The following SNX29 variants were observed in gnomAD, a reference collection of about 807,000 sequenced individuals.
SNX29 encodes sorting nexin-29.
In SNX29, 78 loss-of-function variants were observed where a neutral mutation model predicts 102.1. The observed-to-expected ratio is 0.76, with a 90% confidence interval of 0.64 to 0.92. The LOEUF (loss-of-function observed/expected upper bound fraction) is 0.92, where lower values mean the gene tolerates loss of function less well. Among genes scored for constraint, SNX29 ranks in the 40% least tolerant of loss-of-function variants. The pLI, the probability that SNX29 is intolerant of heterozygous loss-of-function variation, is 0.00. For missense variants in SNX29, 1,280 were observed against 1,061.7 expected, an observed-to-expected ratio of 1.21 and a Z score of -2.86; for synonymous variants, 580 against 414.5, an observed-to-expected ratio of 1.40 and a Z score of -4.85.
chr16:12,425,085 A>G (rs1173969103), intron 18 of SNX29, among the ~76,000 whole-genome samples: 1 of 152,264 alleles, frequency 6.6e-6, no homozygotes, highest in Non-Finnish European at 1.5e-5. Flanking sequence ...GTACAAAAAG[A>G]TACAAACAAA....
chr16:12,256,194 T>G (rs930016421), intron 14 of SNX29, among the ~76,000 whole-genome samples: 10 of 152,250 alleles, frequency 6.6e-5, no homozygotes, highest in African/African-American at 2.4e-4. Context: ...TCTATTTGCA[T>G]CCTGTGTCCA....
chr16:12,539,764 T>G (rs1188519616), intron 20 of SNX29, among the ~76,000 whole-genome samples: 1 of 152,216 alleles, frequency 6.6e-6, no homozygotes, highest in Non-Finnish European at 1.5e-5. Context: ...GGTCTTAATT[T>G]GCATTTTCCT....
chr16:11,997,076 T>TA (rs1437971532), intron 1 of SNX29, among the ~76,000 whole-genome samples: 1 of 152,152 alleles, frequency 6.6e-6, no homozygotes, highest in Non-Finnish European at 1.5e-5. Flanking sequence ...TTCCACCAAT[T>TA]AGTATTCAAA....
At chr16:12,135,353 G>T (rs1282487850) in intron 13 of SNX29, among the ~76,000 whole-genome samples, 2 of 152,198 alleles carry the variant, frequency 1.3e-5, no homozygotes, top group African/African-American at 4.8e-5. Flanking sequence ...GTGTCCATGT[G>T]GTTTGATGGG....
chr16:12,388,364 C>T (rs149550667), intron 16 of SNX29, among the ~76,000 whole-genome samples: 2 of 152,334 alleles, frequency 1.3e-5, no homozygotes, highest in African/African-American at 4.8e-5. Context: ...CAGTCCTTAA[C>T]GTCTTGACAT....
chr16:12,485,390 G>A (rs139475821), intron 19 of SNX29, among the ~76,000 whole-genome samples: 184 of 152,300 alleles, frequency 1.2e-3, no homozygotes, highest in African/African-American at 3.9e-3. Context: ...AATAGATTCC[G>A]TCTCCAAAAG....
intron 11 of SNX29, chr16:12,081,711 GAAAAAAAAAGCTAAAAT>G (rs1408728440): frequency 1.5e-5 from 2 of 134,292 alleles, no homozygotes; most frequent in Non-Finnish European, 3.2e-5. Context: ...GAAAAGAAAA[GAAAAAAAAAGCTAAAAT>G]AAAAATTTCG....
At chr16:12,107,270 G>A (rs1271879907) in intron 11 of SNX29, among the ~76,000 whole-genome samples, 2 of 152,102 alleles carry the variant, frequency 1.3e-5, no homozygotes, top group Non-Finnish European at 2.9e-5. Flanking sequence ...AAATGGGTGT[G>A]GGGACAGCTG....
intron 19 of SNX29, among the ~76,000 whole-genome samples, chr16:12,484,694 C>G (rs1296578538): frequency 2.0e-5 from 3 of 152,176 alleles, no homozygotes; most frequent in Non-Finnish European, 4.4e-5. Context: ...TTCCCAGATT[C>G]CTACATGGAC....
At chr16:12,161,350 T>C (rs866321532) in intron 13 of SNX29, among the ~76,000 whole-genome samples, 1 of 152,206 alleles carries the variant, frequency 6.6e-6, no homozygotes, top group Non-Finnish European at 1.5e-5. Flanking sequence ...CTCTGACTTA[T>C]GGTTGGCTTT....
intron 18 of SNX29, among the ~76,000 whole-genome samples, chr16:12,441,553 C>T (rs1052451559): frequency 2.0e-5 from 3 of 152,144 alleles, no homozygotes; most frequent in Non-Finnish European, 4.4e-5. Flanking sequence ...GAACGTTTGT[C>T]TTCAGTTCTC....
At chr16:12,347,405 G>A (rs1013356543) in intron 15 of SNX29, among the ~76,000 whole-genome samples, 1 of 152,082 alleles carries the variant, frequency 6.6e-6, no homozygotes, top group African/African-American at 2.4e-5. Context: ...AGCAAAATGT[G>A]TATTGGAAGG....
At chr16:12,547,952 G>T (rs781171556) in intron 20 of SNX29, among the ~76,000 whole-genome samples, 1 of 152,146 alleles carries the variant, frequency 6.6e-6, no homozygotes, top group Admixed American at 6.5e-5. Context: ...TGCCCTCAAG[G>T]TGCTCAGTCT....
intron 16 of SNX29, among the ~76,000 whole-genome samples, chr16:12,362,018 T>G (rs891862121): frequency 1.3e-5 from 2 of 152,218 alleles, no homozygotes; most frequent in African/African-American, 4.8e-5. Flanking sequence ...CTATACATGT[T>G]AATAACGAGT....
At chr16:12,028,896 C>T (rs1406457861) in intron 4 of SNX29, among the ~76,000 whole-genome samples, 4 of 151,548 alleles carry the variant, frequency 2.6e-5, no homozygotes, top group Non-Finnish European at 5.9e-5. Flanking sequence ...TTACAGGTGC[C>T]CACCACCATG....
chr16:12,183,519 C>G (rs140391440), intron 13 of SNX29, among the ~76,000 whole-genome samples: 2 of 152,136 alleles, frequency 1.3e-5, no homozygotes, highest in African/African-American at 4.8e-5. Flanking sequence ...TGTAAATATA[C>G]TTTTCCTAAG....
chr16:12,068,758 C>T (rs11646559), intron 9 of SNX29, among the ~76,000 whole-genome samples: 48,659 of 151,816 alleles, frequency 0.32, 7,895 homozygotes, highest in African/African-American at 0.38. Flanking sequence ...TTGGCCAGGC[C>T]GGTCTCGAAC....
At chr16:12,055,872 C>G (rs2050499196) in intron 8 of SNX29, among the ~76,000 whole-genome samples, 9 of 152,146 alleles carry the variant, frequency 5.9e-5, no homozygotes, top group Admixed American at 5.2e-4. Flanking sequence ...ACAATTAACC[C>G]TCACAAGTGC....
intron 15 of SNX29, among the ~76,000 whole-genome samples, chr16:12,296,210 C>G (rs2079975711): frequency 6.6e-6 from 1 of 152,188 alleles, no homozygotes; most frequent in Non-Finnish European, 1.5e-5. Context: ...ATCATAATGA[C>G]TGCCTTCCTG....
Sources: allele counts gnomAD v4.1 joint callset (sites outside exome capture counted in the v4.1 genomes callset), GRCh38; gene constraint gnomAD v4.1.1; transcripts MANE v1.5; gene names NCBI Gene and HGNC (gene_info 2026-07-23, HGNC 2026-07-21).